The following JMJD1C variants were observed in gnomAD, a reference collection of about 807,000 sequenced individuals.
The protein encoded by JMJD1C is jumonji domain-containing protein 1C.
JMJD1C carries 31 observed loss-of-function variants against 245.3 expected under a neutral mutation model. That is an observed-to-expected ratio of 0.13 (90% CI 0.09 to 0.17). The LOEUF is 0.17. Ranked by LOEUF, JMJD1C falls within the 10% of genes least tolerant of loss-of-function variation. The pLI, the probability that JMJD1C is intolerant of heterozygous loss-of-function variation, is 1.00. For synonymous variants in JMJD1C, 1,057 were observed against 1,017.4 expected (o/e 1.04, Z -0.74); for missense variants, 2,691 against 3,000.2 (o/e 0.90, Z 2.41).
At chr10:63,236,953 A>G (rs541740205) in intron 3 of JMJD1C, among the ~76,000 whole-genome samples, 2 of 145,518 alleles carry the variant, frequency 1.4e-5, no homozygotes, top group African/African-American at 2.6e-5. Flanking sequence ...CTCTAAATAT[A>G]TATTTAAAAA....
chr10:63,413,639 C>G (rs1269400172), intron 1 of JMJD1C, among the ~76,000 whole-genome samples: 1 of 152,102 alleles, frequency 6.6e-6, no homozygotes, highest in African/African-American at 2.4e-5. Flanking sequence ...AAACGGTTAT[C>G]AAGCGATAAG....
In JMJD1C at chr10:63,222,467, GGGAAA is replaced by G. The variant is rs1468651028; in HGVS notation, c.448-2489_448-2485del. On this transcript the variant is annotated intron_variant, in intron 3 of 25. Transcript: ENST00000399262. ...GCTAAATCTTGATGAAAACAATAAA[GGGAAA>G]GTTGTGGCAGTAGGAGAATGTGGAC... 1.8e-5 allele frequency: 18 copies of G among 976,860 alleles called. No homozygotes were observed. The African/African-American group carries it at 2.1e-4, about 11-fold the overall frequency. The allele number at this position is 976,860 out of a possible 1,614,324, so 60.5% of individuals were successfully genotyped here. A position where few individuals can be genotyped will look rare whatever the true frequency, so the allele number is the denominator to read the frequency against.
At chr10:63,289,436 T>C (rs1477599184) in intron 2 of JMJD1C, among the ~76,000 whole-genome samples, 1 of 152,226 alleles carries the variant, frequency 6.6e-6, no homozygotes, top group African/African-American at 2.4e-5. Flanking sequence ...TGTAAATTTG[T>C]GGATGGAAAT....
At chr10:63,396,212 T>C (rs977099343) in intron 1 of JMJD1C, among the ~76,000 whole-genome samples, 1 of 152,170 alleles carries the variant, frequency 6.6e-6, no homozygotes, top group Non-Finnish European at 1.5e-5. Context: ...GAGATTATAC[T>C]ATACATTCTA....
At chr10:63,510,874 G>T (rs1453902016) in intron 1 of JMJD1C, among the ~76,000 whole-genome samples, 7 of 152,118 alleles carry the variant, frequency 4.6e-5, no homozygotes, top group Non-Finnish European at 7.4e-5. Flanking sequence ...ATGCTTTGTT[G>T]TTAGGCATAT....
intron 3 of JMJD1C, among the ~76,000 whole-genome samples, chr10:63,261,321 T>C (rs1854715096): frequency 6.6e-6 from 1 of 152,198 alleles, no homozygotes; most frequent in South Asian, 2.1e-4. Context: ...GGCTCACAAC[T>C]GTATTCTCAG....
intron 1 of JMJD1C, among the ~76,000 whole-genome samples, chr10:63,383,282 T>C (rs1235803299): frequency 6.6e-6 from 1 of 151,790 alleles, no homozygotes; most frequent in Admixed American, 6.6e-5. Context: ...AGCTTATCTA[T>C]TAGAATGAGG....
intron 2 of JMJD1C, among the ~76,000 whole-genome samples, chr10:63,363,853 ATTT>A (rs759663605): frequency 4.0e-5 from 5 of 126,440 alleles, no homozygotes; most frequent in Admixed American, 1.7e-4. Flanking sequence ...TGCCTGGCTA[ATTT>A]TTTTTTTTTT....
At chr10:63,346,413 G>A (rs1409367807) in intron 2 of JMJD1C, among the ~76,000 whole-genome samples, 2 of 152,190 alleles carry the variant, frequency 1.3e-5, no homozygotes, top group Non-Finnish European at 2.9e-5. Context: ...GGGTTCTTAT[G>A]TATGAACTGC....
intron 2 of JMJD1C, among the ~76,000 whole-genome samples, chr10:63,275,173 G>C (rs1856666934): frequency 6.6e-6 from 1 of 152,198 alleles, no homozygotes; most frequent in Non-Finnish European, 1.5e-5. Flanking sequence ...TTATAGAAGT[G>C]CTAGGACCAG....
chr10:63,221,003 G>C (rs1848536688), intron 3 of JMJD1C, among the ~76,000 whole-genome samples: 1 of 151,398 alleles, frequency 6.6e-6, no homozygotes, highest in Non-Finnish European at 1.5e-5. Context: ...CCCAGCTACT[G>C]AGGATGCTGA....
chr10:63,214,811 A>T lies in JMJD1C; in HGVS notation c.1356T>A (p.Val452=), dbSNP rs1281571627. 6.2e-7 allele frequency: 1 copy of T among 1,613,864 alleles called. No homozygotes were observed. The part of the protein sequence containing the change: ...KHEEAEKRKS[V]DTQLQEDMII... Reference sequence around the variant, plus strand: ...TCATATCTTCTTGAAGCTGAGTGTCAACAGACTTCCGCTTCTCTGCTTCTT... The same window carrying T: ...TCATATCTTCTTGAAGCTGAGTGTCTACAGACTTCCGCTTCTCTGCTTCTT... The change falls in exon 8 of 26, where the codon GTT becomes GTA. Residue 452 remains valine (V), a synonymous_variant. Transcript: ENST00000399262.
chr10:63,224,653 G>C (rs1310685789), intron 3 of JMJD1C, among the ~76,000 whole-genome samples: 1 of 152,158 alleles, frequency 6.6e-6, no homozygotes, highest in Non-Finnish European at 1.5e-5. Context: ...CAACAAGGCT[G>C]ACTTACAGAT....
chr10:63,256,932 A>C (rs1854018694), intron 3 of JMJD1C, among the ~76,000 whole-genome samples: 1 of 152,138 alleles, frequency 6.6e-6, no homozygotes, highest in Non-Finnish European at 1.5e-5. Context: ...TAATCCAGAA[A>C]CAGATATAGA....
intron 3 of JMJD1C, among the ~76,000 whole-genome samples, chr10:63,229,705 T>G (rs1003592754): frequency 1.3e-5 from 2 of 152,244 alleles, no homozygotes; most frequent in Admixed American, 1.3e-4. Context: ...AGATTTATTT[T>G]TTTATTGGCT....
At chr10:63,301,422 G>A (rs1302574684) in intron 2 of JMJD1C, among the ~76,000 whole-genome samples, 1 of 152,154 alleles carries the variant, frequency 6.6e-6, no homozygotes, top group Non-Finnish European at 1.5e-5. Context: ...TTATCACACA[G>A]GCAACAAGTT....
chr10:63,265,245 A>C (rs1855402676), intron 2 of JMJD1C, among the ~76,000 whole-genome samples: 1 of 151,612 alleles, frequency 6.6e-6, no homozygotes, highest in Admixed American at 6.6e-5. Flanking sequence ...TGGTCTTTTA[A>C]CTCCACCCCT....
intron 3 of JMJD1C, among the ~76,000 whole-genome samples, chr10:63,244,865 G>C (rs543263584): frequency 6.6e-6 from 1 of 151,640 alleles, no homozygotes; most frequent in Admixed American, 6.6e-5. Flanking sequence ...GGCTGGGTGC[G>C]GTGGCTCACG....
chr10:63,484,187 GGGATGGAT>G (rs375305760), intron 1 of JMJD1C, among the ~76,000 whole-genome samples: 33 of 144,930 alleles, frequency 2.3e-4, no homozygotes, highest in African/African-American at 7.7e-4. Flanking sequence ...CCAGCACCTT[GGGATGGAT>G]GGATGGATGG....
Sources: gnomAD v4.1 joint callset for allele counts (sites outside exome capture counted in the v4.1 genomes callset) on GRCh38, gnomAD v4.1.1 for gene constraint, MANE v1.5 for transcripts, NCBI Gene and HGNC (gene_info 2026-07-23, HGNC 2026-07-21) for gene names.